ENOX1: variants seen among roughly 807,000 people sequenced by gnomAD.
The protein encoded by ENOX1 is candidate growth-related and time keeping constitutive hydroquinone (NADH) oxidase.
A neutral mutation model predicts 82.5 loss-of-function variants in ENOX1; 42 were observed. That is an observed-to-expected ratio of 0.51 (90% CI 0.40 to 0.66). The LOEUF (loss-of-function observed/expected upper bound fraction) is 0.66, where lower values mean the gene tolerates loss of function less well. ENOX1 is among the 30% of genes least tolerant of loss of function. The pLI is 0.00. For synonymous variants in ENOX1, 271 were observed against 282.2 expected, an observed-to-expected ratio of 0.96 and a Z score of 0.40; for missense variants, 608 against 811.6, an observed-to-expected ratio of 0.75 and a Z score of 3.05.
intron 11 of ENOX1, among the ~76,000 whole-genome samples, chr13:43,306,218 A>G (rs2046849939): frequency 2.0e-5 from 3 of 152,184 alleles, no homozygotes; most frequent in African/African-American, 2.4e-5. Context: ...TGCTTTACCA[A>G]AAGATTCGGC....
rs191894334 is a variant in ENOX1, at chr13:43,426,294, C to T, written c.-74-13306G>A. Reference sequence around the variant, plus strand: ...AATATCTGGCTCATGGTACCGAATGCAATTTCATGTTAGCTTAGAGTCATC... The same window carrying T: ...AATATCTGGCTCATGGTACCGAATGTAATTTCATGTTAGCTTAGAGTCATC... On this transcript the variant is annotated intron_variant, in intron 3 of 16. Coordinates refer to ENST00000690772, the MANE Select transcript of ENOX1 (RefSeq NM_001347969.2). Among the ~76,000 whole-genome samples the T allele has an allele frequency of 3.9e-5, 6 of 152,204 alleles. No individual in the cohort carries two copies. The East Asian group carries it at 9.7e-4, about 25-fold the overall frequency.
rs183737690 is a variant in ENOX1 at position 43,418,934 on chromosome 13, G to A, written c.-74-5946C>T. On this transcript the variant is annotated intron_variant, in intron 3 of 16. Coordinates refer to ENST00000690772, the MANE Select transcript of ENOX1 (RefSeq NM_001347969.2). ...CTATTTGGCTTAAAAAATGGCACAGGTTTGGGAGGCTGAGGTGGCAGGATC... is the reference window on the plus strand; with the variant it reads ...CTATTTGGCTTAAAAAATGGCACAGATTTGGGAGGCTGAGGTGGCAGGATC... 2.7e-3 allele frequency among the ~76,000 whole-genome samples: 409 copies of A among 152,208 alleles called. 2 individuals are homozygous for A. The highest frequency in any genetic ancestry group is 4.6e-3 in the Admixed American group (70 of 15,292).
intron 5 of ENOX1, among the ~76,000 whole-genome samples, chr13:43,404,892 T>C (rs774451667): frequency 1.3e-5 from 2 of 152,170 alleles, no homozygotes; most frequent in Non-Finnish European, 2.9e-5. Context: ...TGACACTTGA[T>C]AGTGAGAAAT....
intron 2 of ENOX1, among the ~76,000 whole-genome samples, chr13:43,645,595 T>A (rs925689508): frequency 6.6e-6 from 1 of 152,226 alleles, no homozygotes; most frequent in African/African-American, 2.4e-5. Context: ...ATGTAAACAA[T>A]CTTTCATTAC....
intron 2 of ENOX1, among the ~76,000 whole-genome samples, chr13:43,528,435 C>T (rs2078073712): frequency 6.6e-6 from 1 of 151,996 alleles, no homozygotes; most frequent in Admixed American, 6.6e-5. Flanking sequence ...TCCAAAAAGC[C>T]TTCACTACAT....
At chr13:43,294,826 A>G (rs895150237) in intron 12 of ENOX1, among the ~76,000 whole-genome samples, 1 of 152,216 alleles carries the variant, frequency 6.6e-6, no homozygotes, top group Non-Finnish European at 1.5e-5. Flanking sequence ...GTACAGCATC[A>G]TGGATCAGTC....
At chr13:43,677,160 G>C (rs1296248533) in intron 1 of ENOX1, among the ~76,000 whole-genome samples, 1 of 152,070 alleles carries the variant, frequency 6.6e-6, no homozygotes. Flanking sequence ...TGTAGTCAAT[G>C]AGATTGGCAG....
At chr13:43,672,839 C>T (rs1187564494) in intron 1 of ENOX1, among the ~76,000 whole-genome samples, 1 of 152,074 alleles carries the variant, frequency 6.6e-6, no homozygotes, top group Admixed American at 6.5e-5. Flanking sequence ...ATCCTTATTT[C>T]CAGAAAGAAA....
intron 2 of ENOX1, among the ~76,000 whole-genome samples, chr13:43,592,674 GGAA>G (rs1244366648): frequency 8.5e-5 from 13 of 152,084 alleles, no homozygotes; most frequent in African/African-American, 3.1e-4. Flanking sequence ...AGGGAAGGAA[GGAA>G]GAAGAAATTA....
intron 1 of ENOX1, among the ~76,000 whole-genome samples, chr13:43,685,769 A>T (rs2086036702): frequency 6.6e-6 from 1 of 152,068 alleles, no homozygotes; most frequent in Non-Finnish European, 1.5e-5. Flanking sequence ...ATTCTGAGAA[A>T]TGAGAACACA....
At chr13:43,721,337 G>T (rs1446740993) in intron 1 of ENOX1, among the ~76,000 whole-genome samples, 5 of 149,066 alleles carry the variant, frequency 3.4e-5, no homozygotes, top group Non-Finnish European at 7.4e-5. Flanking sequence ...TAAATCCAGA[G>T]ACTACATAAA....
chr13:43,538,829 GC>G (rs905516407), intron 2 of ENOX1, among the ~76,000 whole-genome samples: 9 of 23,354 alleles, frequency 3.9e-4, no homozygotes, highest in East Asian at 0.11. Context: ...TTTCCTCCCC[GC>G]CCCTGCCCTT....
intron 1 of ENOX1, among the ~76,000 whole-genome samples, chr13:43,735,678 A>T (rs7984410): frequency 1.3e-5 from 2 of 152,056 alleles, no homozygotes; most frequent in Non-Finnish European, 2.9e-5. Flanking sequence ...CTGAGATCAC[A>T]CCACTGCACT....
chr13:43,332,794 A>G (rs2048480594), intron 9 of ENOX1, among the ~76,000 whole-genome samples: 1 of 152,116 alleles, frequency 6.6e-6, no homozygotes, highest in South Asian at 2.1e-4. Flanking sequence ...TTTAAATCCA[A>G]TAAATCTCCT....
At chr13:43,723,637 G>A (rs1361015970) in intron 1 of ENOX1, among the ~76,000 whole-genome samples, 5 of 152,172 alleles carry the variant, frequency 3.3e-5, no homozygotes, top group African/African-American at 1.2e-4. Flanking sequence ...CAATGTGAGA[G>A]TCACTGAAGA....
intron 2 of ENOX1, among the ~76,000 whole-genome samples, chr13:43,603,019 T>C (rs898681525): frequency 6.6e-6 from 1 of 151,968 alleles, no homozygotes; most frequent in Non-Finnish European, 1.5e-5. Context: ...GTAAAGAAAA[T>C]ACAGAACAGA....
At chr13:43,514,352 T>C (rs1452464140) in intron 2 of ENOX1, among the ~76,000 whole-genome samples, 2 of 152,196 alleles carry the variant, frequency 1.3e-5, no homozygotes, top group African/African-American at 4.8e-5. Flanking sequence ...TTTAAATGTT[T>C]GTATCTAGCA....
intron 9 of ENOX1, among the ~76,000 whole-genome samples, chr13:43,327,746 C>T (rs1476075322): frequency 2.0e-5 from 3 of 152,142 alleles, no homozygotes; most frequent in African/African-American, 7.2e-5. Context: ...GTAATCCCCA[C>T]AGAAGAACAA....
intron 2 of ENOX1, among the ~76,000 whole-genome samples, chr13:43,541,200 C>CTTTTTTTTTTTTTTTTTTTTTT (rs1555317963): frequency 1.4e-4 from 2 of 14,440 alleles, no homozygotes; most frequent in African/African-American, 1.9e-4. Context: ...TTTTTTTTTG[C>CTTTTTTTTTTTTTTTTTTTTTT]TAAAAATGAT....
Sources: gnomAD v4.1 joint callset for allele counts (sites outside exome capture counted in the v4.1 genomes callset) on GRCh38, gnomAD v4.1.1 for gene constraint, MANE v1.5 for transcripts, NCBI Gene and HGNC (gene_info 2026-07-23, HGNC 2026-07-21) for gene names.